RAB12: variants seen among roughly 807,000 people sequenced by gnomAD.
The protein encoded by RAB12 is RAB12, member RAS oncogene family.
RAB12 carries 11 observed loss-of-function variants against 28.4 expected under a neutral mutation model. The ratio of observed to expected loss-of-function variants is 0.39; its 90% CI spans 0.24 to 0.64. The LOEUF (loss-of-function observed/expected upper bound fraction) is 0.64. Among genes scored for constraint, RAB12 ranks in the 30% least tolerant of loss-of-function variants. The pLI is 0.50. For missense variants in RAB12, 276 were observed against 351.1 expected (o/e 0.79, Z 1.71); for synonymous variants, 138 against 145.3 (o/e 0.95, Z 0.36).
chr18:8,626,191 G>A (rs2096012551), intron 2 of RAB12, among the ~76,000 whole-genome samples: 1 of 152,226 alleles, frequency 6.6e-6, no homozygotes, highest in Admixed American at 6.5e-5. Flanking sequence ...TAGTCCCGCA[G>A]ACTTTTTGTG....
In RAB12 at chr18:8,609,942, A is replaced by G; in HGVS notation, c.503A>G (p.Lys168Arg). 6.2e-7 allele frequency: 1 copy of G among 1,607,330 alleles called. No individual in the cohort carries two copies. Among genetic ancestry groups the G allele is most frequent in the Non-Finnish European group, 8.5e-7 (1 of 1,177,178 alleles). Reference sequence around the variant, plus strand: ...GACGACACCTTCTGCGAGGCCTGCAAGTCCACCGTGGGTAAGGGCGCCACG... The same window carrying G: ...GACGACACCTTCTGCGAGGCCTGCAGGTCCACCGTGGGTAAGGGCGCCACG... ...FTDDTFCEAC[K>R]STVGVDFKIK... Residue 168 changes from lysine to arginine, a missense_variant, in exon 1 of 6, where the codon AAG becomes AGG. Around this residue, in one of 4 missense-constraint regions of RAB12, gnomAD observed 76 missense variants for 117.9 expected, o/e 0.64. Coordinates refer to ENST00000649141, the MANE Select transcript of RAB12 (RefSeq NM_001025300.3).
intron 3 of RAB12, 61 bp from the exon 4 acceptor site, chr18:8,635,472 T>A (rs2096018346): frequency 1.5e-5 from 18 of 1,183,120 alleles, no homozygotes; most frequent in Non-Finnish European, 2.2e-5. Flanking sequence ...GGTTTATATT[T>A]CTGCTGTCAG....
chr18:8,620,358 G>C (rs894583483), intron 1 of RAB12, among the ~76,000 whole-genome samples: 4 of 152,046 alleles, frequency 2.6e-5, no homozygotes, highest in Non-Finnish European at 5.9e-5. Context: ...CTGTATCTAA[G>C]GGACTGAATG....
At position 8,635,579 on chromosome 18, in the gene RAB12, A is replaced by G; in HGVS notation, c.761A>G (p.Asp254Gly). 6 of 1,612,816 alleles carry G rather than the reference A, an allele frequency of 3.7e-6. No individual in the cohort carries two copies. Among genetic ancestry groups the G allele is most frequent in the Non-Finnish European group, 5.1e-6 (6 of 1,179,514 alleles). ...CTTCTCTTAGTTGGAAATAAGTTGG[A>G]CTGTGAAACGGACAGAGAAATCACC... The part of the protein sequence containing the change: ...AELLLVGNKL[D>G]CETDREITRQ... Residue 254 changes from aspartate (D) to glycine (G), a missense_variant, in exon 4 of 6, where the codon GAC (aspartate) becomes GGC (glycine). By Grantham distance (94) the Asp-to-Gly change is moderately conservative. Transcript: ENST00000649141.
chr18:8,610,828 A>G (rs986215254), intron 1 of RAB12, among the ~76,000 whole-genome samples: 4 of 152,350 alleles, frequency 2.6e-5, no homozygotes, highest in African/African-American at 9.6e-5. Context: ...ATAGGAAGTG[A>G]GAGATTTCCC....
intron 1 of RAB12, among the ~76,000 whole-genome samples, chr18:8,619,641 T>C (rs927471196): frequency 2.0e-5 from 3 of 152,186 alleles, no homozygotes; most frequent in Admixed American, 6.5e-5. Flanking sequence ...GTGGTGTAAA[T>C]TTGAGTCTTG....
rs1349818655 is a variant in RAB12, at chr18:8,622,310, T to G, written c.515-2628T>G. 3.3e-5 allele frequency among the ~76,000 whole-genome samples: 5 copies of G among 152,182 alleles called. No homozygotes were observed. The South Asian group carries it at 8.3e-4, about 25-fold the overall frequency. ...TGGAAACAAAAGTAAAATAGAATATTGGGGAACCTGCCCCGTTAGTCACGT... is the reference window on the plus strand; with the variant it reads ...TGGAAACAAAAGTAAAATAGAATATGGGGGAACCTGCCCCGTTAGTCACGT... On this transcript the variant is annotated intron_variant, in intron 1 of 5. Transcript: ENST00000649141.
chr18:8,628,065 G>T (rs2096013858), intron 2 of RAB12, among the ~76,000 whole-genome samples: 1 of 152,100 alleles, frequency 6.6e-6, no homozygotes, highest in Admixed American at 6.5e-5. Context: ...TGTAGTAAAC[G>T]ATGATTGAGC....
At chr18:8,633,453 T>C (rs1191832344) in intron 3 of RAB12, 126 bp downstream of exon 3, 7 of 1,057,458 alleles carry the variant, frequency 6.6e-6, no homozygotes, top group Non-Finnish European at 9.8e-6. Context: ...ATTTAGCCCA[T>C]ATATAGCCTT....
intron 5 of RAB12, among the ~76,000 whole-genome samples, 166 bp downstream of exon 5, chr18:8,636,523 T>G (rs936403548): frequency 3.9e-5 from 6 of 152,254 alleles, no homozygotes; most frequent in Non-Finnish European, 7.3e-5. Flanking sequence ...CCCGGCCTGC[T>G]GTAGCCGTTT....
intron 1 of RAB12, among the ~76,000 whole-genome samples, chr18:8,618,360 T>C (rs2096007821): frequency 6.6e-6 from 1 of 152,176 alleles, no homozygotes; most frequent in South Asian, 2.1e-4. Context: ...TAGTACCTGC[T>C]TCTGAGTTGA....
chr18:8,635,190 C>G (rs1170713502), intron 3 of RAB12: 1 of 164,180 alleles, frequency 6.1e-6, no homozygotes, highest in Non-Finnish European at 1.3e-5. Context: ...GATTCTTGAG[C>G]CATTTTGTTT....
intron 1 of RAB12, among the ~76,000 whole-genome samples, chr18:8,614,505 T>TCAA: frequency 1.1e-5 from 1 of 87,296 alleles, no homozygotes; most frequent in African/African-American, 3.9e-5. Context: ...GTAAGAACAT[T>TCAA]AAAAAAAAAA....
rs193236685 is a variant in RAB12, at chr18:8,629,392, A to G, written c.576-3797A>G. Among the ~76,000 whole-genome samples the G allele has an allele frequency of 1.1e-3, 162 of 152,292 alleles. 1 individual carries two copies. The highest frequency in any genetic ancestry group is 3.5e-3 in the African/African-American group (147 of 41,558). On this transcript the variant is annotated intron_variant, in intron 2 of 5. Transcript: ENST00000649141. The stretch of plus-strand genomic sequence containing the variant: ...ATCCTGAAGAATTCAGTCTTCGTCT[A>G]TCATATTCTTCAGATTTCCTTTTTT...
At chr18:8,633,407 CA>C in intron 3 of RAB12, 80 bp downstream of exon 3, 1 of 1,500,458 alleles carries the variant, frequency 6.7e-7, no homozygotes. Flanking sequence ...AGGGGAAACA[CA>C]TGTATTGAGC....
At chr18:8,634,374 A>G (rs2096017743) in intron 3 of RAB12, among the ~76,000 whole-genome samples, 1 of 139,610 alleles carries the variant, frequency 7.2e-6, no homozygotes, top group African/African-American at 2.7e-5. Context: ...CCCCTGCCCC[A>G]GCCTGCTCTG....
intron 2 of RAB12, among the ~76,000 whole-genome samples, chr18:8,629,259 A>C (rs2148710304): frequency 6.6e-6 from 1 of 152,350 alleles, no homozygotes; most frequent in Middle Eastern, 3.4e-3. Flanking sequence ...GATTAGAGAA[A>C]TAATTTTATT....
chr18:8,609,916 C>T lies in RAB12; in HGVS notation c.477C>T (p.Thr159=), dbSNP rs1567891250. 8 of 1,609,768 alleles carry T rather than the reference C, an allele frequency of 5.0e-6. No individual in the cohort carries two copies. Among genetic ancestry groups the T allele is most frequent in the Non-Finnish European group, 5.1e-6 (6 of 1,178,452 alleles). Residue 159 remains threonine, a synonymous_variant, in exon 1 of 6, where the codon ACC becomes ACT. Transcript: ENST00000649141. ...VGKTSLMERF[T]DDTFCEACKS... is the part of the protein sequence containing the mutation. ...AGACCAGCCTGATGGAGCGCTTCAC[C>T]GACGACACCTTCTGCGAGGCCTGCA...
chr18:8,621,563 A>G (rs934437319), intron 1 of RAB12, among the ~76,000 whole-genome samples: 2 of 152,210 alleles, frequency 1.3e-5, no homozygotes, highest in Admixed American at 6.5e-5. Context: ...TCTACTCACT[A>G]TAAGATAGTC....
Sources: allele counts gnomAD v4.1 joint callset (sites outside exome capture counted in the v4.1 genomes callset), GRCh38; gene constraint gnomAD v4.1.1; regional missense constraint gnomAD v4.1.1; transcripts MANE v1.5; gene names NCBI Gene and HGNC (gene_info 2026-07-23, HGNC 2026-07-21).